Variants in PTPRA observed in about 807,000 individuals in gnomAD.
PTPRA encodes the protein receptor-type tyrosine-protein phosphatase alpha.
In PTPRA, 25 loss-of-function variants were observed where a neutral mutation model predicts 104.8. That is an observed-to-expected ratio of 0.24 (90% CI 0.17 to 0.33). The LOEUF is 0.33. Among genes scored for constraint, PTPRA ranks in the 10% least tolerant of loss-of-function variants. PTPRA has a pLI of 1.00. For synonymous variants in PTPRA, 323 were observed against 368.9 expected, an observed-to-expected ratio of 0.88 and a Z score of 1.43; for missense variants, 765 against 1,015.3, an observed-to-expected ratio of 0.75 and a Z score of 3.35.
Position 2,922,085 on chromosome 20 carries a change from A to G in PTPRA, c.-128-1122A>G, listed in dbSNP as rs542245981. ...CAAAACTATCTTTAGACACTGCCAT[A>G]TGTTCCCTAGGGAAGGGCCTAATGG... On this transcript the variant is annotated intron_variant, in intron 1 of 23. Transcript: ENST00000399903. Among the ~76,000 whole-genome samples the G allele has an allele frequency of 9.2e-5, 14 of 152,254 alleles. No individual in the cohort carries two copies. The South Asian group carries it at 2.3e-3, about 25-fold the overall frequency.
At chr20:2,911,979 A>G (rs1198714197) in intron 1 of PTPRA, among the ~76,000 whole-genome samples, 3 of 152,166 alleles carry the variant, frequency 2.0e-5, no homozygotes, top group African/African-American at 2.4e-5. Context: ...ATGGGGACTC[A>G]GGCCTATAAT....
In PTPRA at chr20:2,950,723, A is replaced by G. The variant is rs1481303314; in HGVS notation, c.-7+2699A>G. 1.3e-5 allele frequency among the ~76,000 whole-genome samples: 2 copies of G among 151,636 alleles called. No individual in the cohort carries two copies. Among genetic ancestry groups the G allele is most frequent in the Non-Finnish European group, 1.5e-5 (1 of 67,868 alleles). On this transcript the variant is annotated intron_variant, in intron 3 of 23. Coordinates refer to ENST00000399903, the MANE Select transcript of PTPRA (RefSeq NM_001385305.1). This position sits in a 1 kb window ranked among gnomAD's most constrained non-coding sequence, Gnocchi z 4.0. ...AAATAACTACTTTTGGCTTTGTTTC[A>G]TTTTTATTATACAATAAAATGAAAT... is the stretch of plus-strand genomic sequence containing the variant.
chr20:2,899,541 C>T (rs560879243), intron 1 of PTPRA, among the ~76,000 whole-genome samples: 14 of 152,042 alleles, frequency 9.2e-5, no homozygotes, highest in Admixed American at 3.3e-4. Context: ...TGTGGTTGGA[C>T]GGTTTGTAAT....
At chr20:2,887,052 T>A (rs750494799) in intron 1 of PTPRA, among the ~76,000 whole-genome samples, 4 of 152,170 alleles carry the variant, frequency 2.6e-5, no homozygotes, top group Non-Finnish European at 4.4e-5. Flanking sequence ...TTTGGATTCA[T>A]GTTTCTTTTT....
intron 5 of PTPRA, among the ~76,000 whole-genome samples, chr20:2,968,162 A>G (rs2062013864): frequency 1.3e-5 from 2 of 152,190 alleles, no homozygotes; most frequent in Non-Finnish European, 2.9e-5. Context: ...AAAGGGGTCC[A>G]TGGGAGGCAA....
chr20:2,963,964 C>A (rs1464474873), intron 3 of PTPRA, among the ~76,000 whole-genome samples: 1 of 151,986 alleles, frequency 6.6e-6, no homozygotes, highest in Non-Finnish European at 1.5e-5. Flanking sequence ...CACTTGAGTC[C>A]AGGAGGTAGA....
chr20:2,878,995 G>T (rs150028697), intron 1 of PTPRA, among the ~76,000 whole-genome samples: 1 of 152,228 alleles, frequency 6.6e-6, no homozygotes, highest in Non-Finnish European at 1.5e-5. Flanking sequence ...AAGGCTAGAT[G>T]CTGTTCAGTT....
At chr20:2,920,936 GT>G (rs1310773234) in intron 1 of PTPRA, among the ~76,000 whole-genome samples, 1 of 152,174 alleles carries the variant, frequency 6.6e-6, no homozygotes, top group Non-Finnish European at 1.5e-5. Flanking sequence ...CCACCATTCA[GT>G]TTTCATGATG....
chr20:3,005,032 C>G (rs1175465318), intron 9 of PTPRA, 24 bp from the exon 10 acceptor site: 1 of 1,551,130 alleles, frequency 6.4e-7, no homozygotes. Flanking sequence ...CTAATAATTC[C>G]TCTAATTTCT....
At chr20:2,901,741 C>A (rs1030205595) in intron 1 of PTPRA, among the ~76,000 whole-genome samples, 1 of 151,990 alleles carries the variant, frequency 6.6e-6, no homozygotes, top group Admixed American at 6.6e-5. Context: ...ACAAAGAGTA[C>A]TTCTAGAGCA....
intron 1 of PTPRA, among the ~76,000 whole-genome samples, chr20:2,910,477 A>G (rs1313899789): frequency 1.2e-5 from 1 of 85,582 alleles, no homozygotes; most frequent in African/African-American, 5.1e-5. Flanking sequence ...ATTTTTATAT[A>G]TACTTTTTTT....
chr20:2,940,161 T>G (rs1438074460), intron 2 of PTPRA, among the ~76,000 whole-genome samples: 2 of 152,140 alleles, frequency 1.3e-5, no homozygotes, highest in Admixed American at 1.3e-4. Context: ...GGGTGGAATA[T>G]GCTTACTCCA....
At chr20:2,876,251 G>A (rs576159672) in intron 1 of PTPRA, among the ~76,000 whole-genome samples, 11 of 152,306 alleles carry the variant, frequency 7.2e-5, no homozygotes, top group Non-Finnish European at 8.8e-5. Context: ...TAATGCAGAT[G>A]AGAGAAAAAT....
At chr20:2,874,475 G>A (rs968565497) in intron 1 of PTPRA, among the ~76,000 whole-genome samples, 1 of 152,140 alleles carries the variant, frequency 6.6e-6, no homozygotes, top group Non-Finnish European at 1.5e-5. Flanking sequence ...TTGTAAGACA[G>A]GAAAAGAAGA....
In PTPRA at chr20:2,964,998, C is replaced by G. The variant is rs758711576; in HGVS notation, c.211C>G (p.Leu71Val). The G allele has an allele frequency of 1.2e-6, 2 of 1,613,968 alleles. No homozygotes were observed. The highest frequency in any genetic ancestry group is 1.3e-5 in the African/African-American group (1 of 74,924). The change falls in exon 5 of 24, where the codon CTG (leucine) becomes GTG (valine). Residue 71 changes from leucine to valine, a missense_variant. Around this residue, in one of 4 missense-constraint regions of PTPRA, gnomAD observed 256 missense variants for 248.9 expected, o/e 1.03. Coordinates refer to ENST00000399903, the MANE Select transcript of PTPRA (RefSeq NM_001385305.1). ...VAPTFSPNIT[L>V]GPTYLTTVNS... is the part of the protein sequence containing the mutation. ...ACCAACATTCAGCCCAAATATAACT[C>G]TGGGACCCACCTATTTAACCACTGT...
At chr20:2,968,652 A>G (rs940332651) in intron 5 of PTPRA, among the ~76,000 whole-genome samples, 2 of 152,156 alleles carry the variant, frequency 1.3e-5, no homozygotes, top group African/African-American at 4.8e-5. Flanking sequence ...AGTGGCTTAT[A>G]TCTGTAATTC....
intron 2 of PTPRA, among the ~76,000 whole-genome samples, chr20:2,930,729 A>G (rs766539496): frequency 6.6e-6 from 1 of 152,130 alleles, no homozygotes; most frequent in Non-Finnish European, 1.5e-5. Flanking sequence ...ATATTGGATT[A>G]GGGGCCCACA....
At chr20:2,867,237 C>T in the PTPRA span, among the ~76,000 whole-genome samples, 1 of 152,162 alleles carries the variant, frequency 6.6e-6, no homozygotes, top group African/African-American at 2.4e-5. Context: ...CCCCAATTTG[C>T]ACTGCAGTGG....
At chr20:2,868,310 C>CT in the PTPRA span, among the ~76,000 whole-genome samples, 10,458 of 104,158 alleles carry the variant, frequency 0.1, 1,537 homozygotes, top group African/African-American at 0.26. Context: ...GACTCCACCT[C>CT]TTTTTTTTTT....
Sources: gnomAD v4.1 joint callset for allele counts (sites outside exome capture counted in the v4.1 genomes callset) on GRCh38, gnomAD v4.1.1 for gene constraint, gnomAD v4.1.1 regional missense constraint, Gnocchi (gnomAD v3.1) non-coding constraint, MANE v1.5 for transcripts, NCBI Gene and HGNC (gene_info 2026-07-23, HGNC 2026-07-21) for gene names.